The following FAM241A variants were observed in gnomAD, a reference collection of about 807,000 sequenced individuals.
The protein encoded by FAM241A is uncharacterized protein FAM241A.
A neutral mutation model predicts 12.2 loss-of-function variants in FAM241A; 7 were observed. The observed-to-expected ratio is 0.58, with a 90% confidence interval of 0.33 to 1.08. The LOEUF (loss-of-function observed/expected upper bound fraction) is 1.08. FAM241A is among the 50% of genes least tolerant of loss of function. FAM241A has a pLI of 0.04. For synonymous variants in FAM241A, 74 were observed against 68.2 expected, an observed-to-expected ratio of 1.08 and a Z score of -0.42; for missense variants, 161 against 169.7, an observed-to-expected ratio of 0.95 and a Z score of 0.29.
chr4:112,164,823 C>T (rs1196251776), intron 1 of FAM241A, among the ~76,000 whole-genome samples: 1 of 152,124 alleles, frequency 6.6e-6, no homozygotes, highest in Non-Finnish European at 1.5e-5. Flanking sequence ...CAAAAGAAGA[C>T]ATACAGGCCA....
chr4:112,189,937 C>A lies in FAM241A; in HGVS notation c.*2999C>A, dbSNP rs77446369. 3 of 150,786 alleles carry A rather than the reference C, an allele frequency of 2.0e-5. No homozygotes were observed. Among genetic ancestry groups the A allele is most frequent in the Non-Finnish European group, 2.9e-5 (2 of 67,884 alleles). The allele number at this position is 150,786 out of a possible 1,614,324, so 9.3% of individuals were successfully genotyped here. A position where few individuals can be genotyped will look rare whatever the true frequency, so the allele number is the denominator to read the frequency against. On this transcript the variant is annotated 3_prime_UTR_variant, in exon 2 of 2. Coordinates refer to ENST00000309733, the MANE Select transcript of FAM241A (RefSeq NM_152400.3). ...ATTCCCATTTCTATTCCTACAGATA[C>A]GAAAGTAAAGAACAGAACACATTTT... is the stretch of plus-strand genomic sequence containing the variant.
chr4:112,167,902 A>G (rs968878122), intron 1 of FAM241A, among the ~76,000 whole-genome samples: 1 of 152,234 alleles, frequency 6.6e-6, no homozygotes, highest in Non-Finnish European at 1.5e-5. Context: ...AAGATTCTCA[A>G]GGAGAACATG....
chr4:112,168,314 C>CT (rs1331443581), intron 1 of FAM241A, among the ~76,000 whole-genome samples: 8 of 152,116 alleles, frequency 5.3e-5, no homozygotes, highest in Admixed American at 1.3e-4. Flanking sequence ...AGCAATTAAA[C>CT]TTTTTTTCCC....
Position 112,191,927 on chromosome 4 carries a change from C to G in FAM241A, c.*4989C>G, listed in dbSNP as rs1394394912. Reference sequence around the variant, plus strand: ...GCATTGCTAGTGCCTAACACAATGCCTGGGACATAATAGGCCATCAAAATA... The same window carrying G: ...GCATTGCTAGTGCCTAACACAATGCGTGGGACATAATAGGCCATCAAAATA... On this transcript the variant is annotated 3_prime_UTR_variant, in exon 2 of 2. Coordinates refer to ENST00000309733, the MANE Select transcript of FAM241A (RefSeq NM_152400.3). 1 of 152,092 alleles carries G rather than the reference C, an allele frequency of 6.6e-6. No homozygotes were observed. Among genetic ancestry groups the G allele is most frequent in the Admixed American group, 6.5e-5 (1 of 15,270 alleles). The allele number at this position is 152,092 out of a possible 1,614,324, so 9.4% of individuals were successfully genotyped here.
chr4:112,176,851 T>C (rs1362520131), intron 1 of FAM241A, among the ~76,000 whole-genome samples: 1 of 152,148 alleles, frequency 6.6e-6, no homozygotes, highest in Non-Finnish European at 1.5e-5. Context: ...TGTTTTTCCA[T>C]TGGGACCTCA....
Position 112,195,110 on chromosome 4 carries a change from G to A in FAM241A, c.*8172G>A, listed in dbSNP as rs530660214. On this transcript the variant is annotated 3_prime_UTR_variant, in exon 2 of 2. Transcript: ENST00000309733. ...TTACAAAAAACTCTTAAACTTTTTT[G>A]TGAGCAGAAATTCTCAAGTATCGAA... 1.3e-5 allele frequency: 2 copies of A among 152,206 alleles called. No homozygotes were observed. Among genetic ancestry groups the A allele is most frequent in the African/African-American group, 2.4e-5 (1 of 41,432 alleles). The allele number at this position is 152,206 out of a possible 1,614,324, so 9.4% of individuals were successfully genotyped here.
At chr4:112,159,021 C>CA (rs895275929) in intron 1 of FAM241A, among the ~76,000 whole-genome samples, 9 of 152,070 alleles carry the variant, frequency 5.9e-5, no homozygotes, top group African/African-American at 1.9e-4. Flanking sequence ...ACTCTGTCTC[C>CA]AAAAAATCAA....
In FAM241A at chr4:112,148,606, T is replaced by G. The variant is rs1305571587; in HGVS notation, c.153+2873T>G. On this transcript the variant is annotated intron_variant, in intron 1 of 1. Coordinates refer to ENST00000309733, the MANE Select transcript of FAM241A (RefSeq NM_152400.3). ...CTGTAGATGAAGAAACTGTGCCAGG[T>G]TTGAAATAGGATCAGGTGTCTAAAG... Among the ~76,000 whole-genome samples, 4 of 152,102 alleles carry G rather than the reference T, an allele frequency of 2.6e-5. No individual in the cohort carries two copies. In the East Asian group the frequency reaches 7.7e-4, roughly 29 times the overall value.
intron 1 of FAM241A, among the ~76,000 whole-genome samples, chr4:112,175,779 AAG>A (rs1362179438): frequency 6.6e-6 from 1 of 152,110 alleles, no homozygotes; most frequent in African/African-American, 2.4e-5. Context: ...AAAAAAAAGA[AAG>A]AAAATGAAAT....
intron 1 of FAM241A, among the ~76,000 whole-genome samples, chr4:112,158,287 T>C (rs370730502): frequency 2.6e-5 from 4 of 152,132 alleles, no homozygotes; most frequent in East Asian, 3.8e-4. Context: ...GCTCTAACAA[T>C]CTTGCCATAT....
chr4:112,154,807 C>T (rs1306591102), intron 1 of FAM241A, among the ~76,000 whole-genome samples: 2 of 151,710 alleles, frequency 1.3e-5, no homozygotes, highest in South Asian at 2.1e-4. Context: ...CTGAGGTGGG[C>T]GGGTCACCTG....
intron 1 of FAM241A, among the ~76,000 whole-genome samples, chr4:112,164,551 A>G: frequency 6.6e-6 from 1 of 152,232 alleles, no homozygotes; most frequent in Non-Finnish European, 1.5e-5. Context: ...TACATATGTA[A>G]CAAACCTGCA....
At chr4:112,161,943 T>A (rs558278172) in intron 1 of FAM241A, among the ~76,000 whole-genome samples, 15 of 152,146 alleles carry the variant, frequency 9.9e-5, no homozygotes, top group African/African-American at 3.6e-4. Flanking sequence ...CAGCAGCACA[T>A]CAAAAAGCTT....
rs369964584 is a variant in FAM241A, at chr4:112,154,842, GGCCAACATGGCGAAACCCC to G, written c.153+9113_153+9131del. ...GAGGCCAGGAGTTCGAGACCAGCCTGGCCAACATGGCGAAACCCCGCCTCTCCAAAAAGATACAAAAATC... is the reference window on the plus strand; with the variant it reads ...GAGGCCAGGAGTTCGAGACCAGCCTGGCCTCTCCAAAAAGATACAAAAATC... On this transcript the variant is annotated intron_variant, in intron 1 of 1. Transcript: ENST00000309733. Among the ~76,000 whole-genome samples the G allele has an allele frequency of 3.3e-4, 50 of 152,132 alleles. No homozygotes were observed. In the East Asian group the frequency reaches 9.3e-3, roughly 28 times the overall value.
chr4:112,160,198 G>C (rs1395085973), intron 1 of FAM241A, among the ~76,000 whole-genome samples: 1 of 152,132 alleles, frequency 6.6e-6, no homozygotes. Flanking sequence ...CTTGAGGTCA[G>C]GAGTTCAAGA....
At chr4:112,184,311 C>T (rs1188306660) in intron 1 of FAM241A, among the ~76,000 whole-genome samples, 5 of 152,178 alleles carry the variant, frequency 3.3e-5, no homozygotes, top group African/African-American at 1.2e-4. Flanking sequence ...AGGTGGATCA[C>T]CTGAGGCCAG....
chr4:112,171,514 A>G, intron 1 of FAM241A: 1 of 766,978 alleles, frequency 1.3e-6, no homozygotes, highest in Non-Finnish European at 2.4e-6. Flanking sequence ...AGAAAGGCCC[A>G]AGTGATTCAG....
Position 112,183,586 on chromosome 4 carries a change from T to C in FAM241A, c.154-3107T>C, listed in dbSNP as rs557123691. On this transcript the variant is annotated intron_variant, in intron 1 of 1. Coordinates refer to ENST00000309733, the MANE Select transcript of FAM241A (RefSeq NM_152400.3). The stretch of plus-strand genomic sequence containing the variant: ...CCAGATTAGGGTACTTTCTTCGTAC[T>C]AAAACCACAAAAATACTGAAAAAAA... Among the ~76,000 whole-genome samples, 4 of 135,310 alleles carry C rather than the reference T, an allele frequency of 3.0e-5. No homozygotes were observed. The East Asian group carries it at 9.3e-4, about 31-fold the overall frequency. The allele number at this position is 135,310 out of a possible 152,430, so 88.8% of individuals were successfully genotyped here. A position where few individuals can be genotyped will look rare whatever the true frequency, so the allele number is the denominator to read the frequency against.
At chr4:112,161,802 C>T (rs981932873) in intron 1 of FAM241A, among the ~76,000 whole-genome samples, 1 of 152,182 alleles carries the variant, frequency 6.6e-6, no homozygotes, top group Admixed American at 6.5e-5. Flanking sequence ...CTTCCTAACT[C>T]ATTTTATGAG....
Sources: gnomAD v4.1 joint callset for allele counts (sites outside exome capture counted in the v4.1 genomes callset) on GRCh38, gnomAD v4.1.1 for gene constraint, MANE v1.5 for transcripts, NCBI Gene and HGNC (gene_info 2026-07-23, HGNC 2026-07-21) for gene names.